Variants in C17orf67 observed in about 807,000 individuals in gnomAD.
C17orf67 encodes the protein uncharacterized protein C17orf67.
A neutral mutation model predicts 11.2 loss-of-function variants in C17orf67; 12 were observed. The ratio of observed to expected loss-of-function variants is 1.07; its 90% CI spans 0.68 to 1.73. The LOEUF (loss-of-function observed/expected upper bound fraction) is 1.73. Among genes scored for constraint, C17orf67 ranks in the 40% most tolerant of loss-of-function variants. The pLI, the probability that C17orf67 is intolerant of heterozygous loss-of-function variation, is 0.00. For missense variants in C17orf67, 115 were observed against 113.5 expected, an observed-to-expected ratio of 1.01 and a Z score of -0.06; for synonymous variants, 59 against 46.9, an observed-to-expected ratio of 1.26 and a Z score of -1.05.
At chr17:56,818,503 C>T (rs768433015) in intron 4 of C17orf67, among the ~76,000 whole-genome samples, 36 of 151,976 alleles carry the variant, frequency 2.4e-4, no homozygotes, top group Non-Finnish European at 4.3e-4. Context: ...CAAGTCTGGA[C>T]AACAGAACAA....
At chr17:56,833,427 T>TGGCGGGCGCG (rs1906306418) in intron 1 of C17orf67, 85 bp from the exon 2 acceptor site, 1 of 149,324 alleles carries the variant, frequency 6.7e-6, no homozygotes, top group South Asian at 2.3e-4. Flanking sequence ...CCTCGGGCGC[T>TGGCGGGCGCG]GGCGGGCGCG....
intron 6 of C17orf67, among the ~76,000 whole-genome samples, chr17:56,799,738 G>A (rs1232097747): frequency 2.0e-5 from 3 of 152,228 alleles, no homozygotes; most frequent in East Asian, 1.9e-4. Context: ...CCAGCATTTG[G>A]TGTTGTCCAT....
At position 56,833,692 on chromosome 17, in the gene C17orf67, A is replaced by G. The variant is rs1324294780; in HGVS notation, c.-1076T>C. 3 of 151,740 alleles carry G rather than the reference A, an allele frequency of 2.0e-5. No individual in the cohort carries two copies. The highest frequency in any genetic ancestry group is 3.4e-3 in the Middle Eastern group (1 of 292). 9.4% of individuals were successfully genotyped at this position (151,740 alleles called of 1,614,324 possible). Reference sequence around the variant, plus strand: ...CCCTCGCTTCCCAGTCGGCTTACGCATCCCCGGCGGCGGCGGCGCCGGCAT... The same window carrying G: ...CCCTCGCTTCCCAGTCGGCTTACGCGTCCCCGGCGGCGGCGGCGCCGGCAT... On this transcript the variant is annotated 5_prime_UTR_variant, in exon 1 of 8. The change abolishes an upstream ATG in the 5' untranslated region. Transcript: ENST00000397861.
intron 6 of C17orf67, among the ~76,000 whole-genome samples, chr17:56,810,944 G>A (rs1184982323): frequency 1.3e-5 from 2 of 152,222 alleles, no homozygotes; most frequent in African/African-American, 4.8e-5. Flanking sequence ...AAGTCAACAA[G>A]GAGACCCAAG....
chr17:56,819,507 AC>A (rs1204137505), intron 4 of C17orf67, among the ~76,000 whole-genome samples: 2 of 151,884 alleles, frequency 1.3e-5, no homozygotes, highest in African/African-American at 4.8e-5. Context: ...GCATAAGGCA[AC>A]CTCTGGTGGA....
In C17orf67 at chr17:56,833,881, A is replaced by T. The variant is rs1234394718; in HGVS notation, c.-1265T>A. On this transcript the variant is annotated 5_prime_UTR_variant, in exon 1 of 8. It removes an upstream start codon present in the reference 5' UTR. Transcript: ENST00000397861. ...TTTTCTACGATTACGAAGTTTTGGC[A>T]TTCAACCCTCCATCCTCTCAAACGC... 1.3e-5 allele frequency: 2 copies of T among 151,938 alleles called. No individual in the cohort carries two copies. Among genetic ancestry groups the T allele is most frequent in the East Asian group, 3.9e-4 (2 of 5,120 alleles). The allele number at this position is 151,938 out of a possible 1,614,324, so 9.4% of individuals were successfully genotyped here.
At chr17:56,820,320 T>C (rs1378860300) in intron 4 of C17orf67, among the ~76,000 whole-genome samples, 2 of 152,224 alleles carry the variant, frequency 1.3e-5, no homozygotes, top group Non-Finnish European at 2.9e-5. Flanking sequence ...TATTAATATT[T>C]ACCCACTTAT....
At position 56,815,981 on chromosome 17, in the gene C17orf67, T is replaced by C. The variant is rs1487239106; in HGVS notation, c.-171A>G. The C allele has an allele frequency of 1.5e-6, 2 of 1,339,690 alleles. No homozygotes were observed. Among genetic ancestry groups the C allele is most frequent in the East Asian group, 2.5e-5 (1 of 39,542 alleles). 83.0% of individuals were successfully genotyped at this position (1,339,690 alleles called of 1,614,324 possible). On this transcript the variant is annotated 5_prime_UTR_variant, in exon 5 of 8. Coordinates refer to ENST00000397861, the MANE Select transcript of C17orf67 (RefSeq NM_001085430.4). Reference sequence around the variant, plus strand: ...CGTTTTAGTAATGACCACTGAAATATTTTCCTCCGAATTCCTGTAAATTTT... The same window carrying C: ...CGTTTTAGTAATGACCACTGAAATACTTTCCTCCGAATTCCTGTAAATTTT...
intron 6 of C17orf67, among the ~76,000 whole-genome samples, chr17:56,811,718 G>A (rs1452324664): frequency 2.0e-5 from 3 of 152,182 alleles, no homozygotes; most frequent in African/African-American, 4.8e-5. Flanking sequence ...AGTAGGGCAT[G>A]GTCAATATAA....
At chr17:56,833,582 C>G (rs1296405211) in intron 1 of C17orf67, 36 bp downstream of exon 1, 1 of 151,248 alleles carries the variant, frequency 6.6e-6, no homozygotes, top group Non-Finnish European at 1.5e-5. Context: ...AGCGGAGGAG[C>G]CCTCAGGTTT....
rs534257164 is a variant in C17orf67, at chr17:56,826,231, G to A, written c.-556-910C>T. Among the ~76,000 whole-genome samples the A allele has an allele frequency of 2.0e-5, 3 of 152,320 alleles. No individual in the cohort carries two copies. The East Asian group carries it at 5.8e-4, about 29-fold the overall frequency. On this transcript the variant is annotated intron_variant, in intron 2 of 7. Coordinates refer to ENST00000397861, the MANE Select transcript of C17orf67 (RefSeq NM_001085430.4). ...AGTCTCCCAAAGTGCTGGGATTACAGGTGTGAGCCACCATGCCCAGTCTGT... is the reference window on the plus strand; with the variant it reads ...AGTCTCCCAAAGTGCTGGGATTACAAGTGTGAGCCACCATGCCCAGTCTGT...
intron 6 of C17orf67, among the ~76,000 whole-genome samples, chr17:56,798,161 G>A (rs1372309690): frequency 2.0e-5 from 3 of 152,148 alleles, no homozygotes; most frequent in Non-Finnish European, 2.9e-5. Flanking sequence ...TCCTGTGAAT[G>A]CTCCTGAATC....
At chr17:56,796,351 T>C (rs1905213555) in intron 6 of C17orf67, among the ~76,000 whole-genome samples, 1 of 152,244 alleles carries the variant, frequency 6.6e-6, no homozygotes, top group South Asian at 2.1e-4. Flanking sequence ...TAATGGAATA[T>C]TATTTGGCAA....
chr17:56,806,901 G>A (rs994545581), intron 6 of C17orf67, among the ~76,000 whole-genome samples: 1 of 152,240 alleles, frequency 6.6e-6, no homozygotes, highest in African/African-American at 2.4e-5. Context: ...GAAGTAGTCA[G>A]GTTCTGGATT....
chr17:56,827,243 AT>A (rs1906062442), intron 2 of C17orf67, among the ~76,000 whole-genome samples: 2 of 152,126 alleles, frequency 1.3e-5, no homozygotes, highest in South Asian at 4.1e-4. Flanking sequence ...TCCTACCAGA[AT>A]TTTTTTTGAG....
At chr17:56,825,013 T>G (rs1318715729) in intron 3 of C17orf67, 68 bp downstream of exon 3, 1 of 152,242 alleles carries the variant, frequency 6.6e-6, no homozygotes, top group East Asian at 1.9e-4. Flanking sequence ...TATATGTGTT[T>G]TATAAACTCT....
chr17:56,801,526 T>G lies in C17orf67; in HGVS notation c.157-6346A>C, dbSNP rs565054354. Among the ~76,000 whole-genome samples the G allele has an allele frequency of 5.9e-5, 9 of 152,340 alleles. No homozygotes were observed. In the South Asian group the frequency reaches 1.9e-3, roughly 32 times the overall value. On this transcript the variant is annotated intron_variant, in intron 6 of 7. Coordinates refer to ENST00000397861, the MANE Select transcript of C17orf67 (RefSeq NM_001085430.4). ...GAAGTGTCCAATTTTTCTGATTTTT[T>G]TTTTCTTTCCCCCAAGACCCATGCA...
At chr17:56,833,480 G>A (rs1008985881) in intron 1 of C17orf67, 138 bp from the exon 2 acceptor site, 2 of 151,170 alleles carry the variant, frequency 1.3e-5, no homozygotes, top group Non-Finnish European at 3.0e-5. Context: ...CCACGGCAGG[G>A]GGCGGAAACC....
intron 6 of C17orf67, among the ~76,000 whole-genome samples, chr17:56,802,657 A>G (rs1372880537): frequency 6.6e-6 from 1 of 152,242 alleles, no homozygotes; most frequent in African/African-American, 2.4e-5. Context: ...TTCTTGGCAC[A>G]TAGTAAGAAT....
Sources: gnomAD v4.1 joint callset for allele counts (sites outside exome capture counted in the v4.1 genomes callset) on GRCh38, gnomAD v4.1.1 for gene constraint, MANE v1.5 for transcripts, NCBI Gene and HGNC (gene_info 2026-07-23, HGNC 2026-07-21) for gene names.